Variants in RAD51B observed in about 807,000 individuals in gnomAD.
RAD51B encodes RAD51 paralog B, also known as DNA repair protein RAD51 homolog 2.
In RAD51B, 38 loss-of-function variants were observed where a neutral mutation model predicts 42.2. That is an observed-to-expected ratio of 0.90 (90% CI 0.70 to 1.18). The LOEUF is 1.18. Ranked by LOEUF, RAD51B falls within the 50% of genes most tolerant of loss-of-function variation. The pLI is 0.00. For missense variants in RAD51B, 373 were observed against 400.7 expected, an observed-to-expected ratio of 0.93 and a Z score of 0.59; for synonymous variants, 154 against 145.2, an observed-to-expected ratio of 1.06 and a Z score of -0.43.
chr14:67,939,219 TCC>T (rs2045070921), intron 7 of RAD51B, among the ~76,000 whole-genome samples: 1 of 151,998 alleles, frequency 6.6e-6, no homozygotes, highest in African/African-American at 2.4e-5. Context: ...CCTGCCCCCC[TCC>T]ATGTGGAAAC....
chr14:68,624,739 G>A (rs1444410479), intron 10 of RAD51B, among the ~76,000 whole-genome samples: 2 of 152,154 alleles, frequency 1.3e-5, no homozygotes, highest in Non-Finnish European at 2.9e-5. Flanking sequence ...ACTCCTGCGC[G>A]ATCCTCTCAG....
At chr14:68,087,892 T>C (rs2077013374) in intron 7 of RAD51B, among the ~76,000 whole-genome samples, 1 of 117,982 alleles carries the variant, frequency 8.5e-6, no homozygotes, top group South Asian at 2.3e-4. Flanking sequence ...AATTATATAA[T>C]ATATTATTTA....
intron 9 of RAD51B, among the ~76,000 whole-genome samples, chr14:68,419,176 A>G (rs1428414468): frequency 6.6e-6 from 1 of 152,190 alleles, no homozygotes; most frequent in African/African-American, 2.4e-5. Flanking sequence ...TGTTTTACAG[A>G]TGGCGGTAAG....
At chr14:68,148,838 G>C (rs1268064017) in intron 7 of RAD51B, among the ~76,000 whole-genome samples, 1 of 152,212 alleles carries the variant, frequency 6.6e-6, no homozygotes, top group African/African-American at 2.4e-5. Context: ...TAATGGAAGT[G>C]TTCTGAGCAT....
chr14:68,673,710 A>G lies in RAD51B; in HGVS notation c.*11+22854A>G, dbSNP rs549551932. 9.2e-5 allele frequency among the ~76,000 whole-genome samples: 14 copies of G among 151,998 alleles called. No homozygotes were observed. The East Asian group carries it at 2.3e-3, about 25-fold the overall frequency. ...ATGTGCACACACATACACATACTGTACACACATCTATACATGCACACGCAT... is the reference window on the plus strand; with the variant it reads ...ATGTGCACACACATACACATACTGTGCACACATCTATACATGCACACGCAT... On this transcript the variant is annotated intron_variant, in intron 11 of 11. Transcript: ENST00000488612.
intron 7 of RAD51B, among the ~76,000 whole-genome samples, chr14:68,249,217 A>G (rs1457695875): frequency 6.6e-6 from 1 of 152,230 alleles, no homozygotes; most frequent in Admixed American, 6.5e-5. Context: ...ATGCCACAGG[A>G]CACACTAAGC....
rs1326770837 is a variant in RAD51B at position 68,673,549 on chromosome 14, TAC to T, written c.*11+22699_*11+22700del. ...GCGCACACACATACACATACATATG[TAC>T]ACACATATGTATGCACACACATACA... On this transcript the variant is annotated intron_variant, in intron 11 of 11. Coordinates refer to the RAD51B transcript ENST00000488612. Among the ~76,000 whole-genome samples, 3 of 150,276 alleles carry T rather than the reference TAC, an allele frequency of 2.0e-5. 1 individual carries two copies. The South Asian group carries it at 6.3e-4, about 32-fold the overall frequency.
intron 7 of RAD51B, among the ~76,000 whole-genome samples, chr14:68,045,417 G>A (rs1566602455): frequency 6.6e-6 from 1 of 151,938 alleles, no homozygotes; most frequent in Non-Finnish European, 1.5e-5. Context: ...GAATAAAATT[G>A]TTACCCATTT....
At chr14:68,224,342 T>C (rs1487401255) in intron 7 of RAD51B, among the ~76,000 whole-genome samples, 6 of 152,214 alleles carry the variant, frequency 3.9e-5, no homozygotes, top group Admixed American at 3.9e-4. Flanking sequence ...TTTTATTCTC[T>C]CCCAGTCACT....
intron 10 of RAD51B, among the ~76,000 whole-genome samples, chr14:68,492,293 A>G (rs138515569): frequency 3.8e-4 from 58 of 152,360 alleles, no homozygotes; most frequent in African/African-American, 1.3e-3. Context: ...AAGGTAATAA[A>G]TAATCAATAG....
intron 10 of RAD51B, among the ~76,000 whole-genome samples, chr14:68,529,036 T>A (rs1225657746): frequency 1.3e-5 from 2 of 152,182 alleles, no homozygotes; most frequent in Non-Finnish European, 2.9e-5. Flanking sequence ...TGGGTTATGT[T>A]GAAATGGTGA....
intron 7 of RAD51B, among the ~76,000 whole-genome samples, chr14:68,221,452 A>G (rs1234117510): frequency 1.3e-5 from 2 of 152,232 alleles, no homozygotes; most frequent in African/African-American, 4.8e-5. Flanking sequence ...AGGACACCCT[A>G]TTCAACAAAT....
At chr14:68,216,525 T>C (rs149630037) in intron 7 of RAD51B, among the ~76,000 whole-genome samples, 242 of 152,272 alleles carry the variant, frequency 1.6e-3, no homozygotes, top group African/African-American at 5.6e-3. Context: ...AAATCAAATA[T>C]ATCATTCAGT....
intron 7 of RAD51B, among the ~76,000 whole-genome samples, chr14:67,929,850 A>C (rs1447121096): frequency 1.3e-5 from 2 of 149,402 alleles, no homozygotes; most frequent in African/African-American, 4.9e-5. Flanking sequence ...GGGTCTCAAT[A>C]TGTTTTCTAG....
intron 10 of RAD51B, among the ~76,000 whole-genome samples, chr14:68,642,601 A>G (rs1595043457): frequency 6.6e-6 from 1 of 151,860 alleles, no homozygotes; most frequent in South Asian, 2.1e-4. Context: ...CCTGTTTGCA[A>G]TTTCATTGAT....
At chr14:68,463,894 G>T (rs1250778281) in intron 9 of RAD51B, among the ~76,000 whole-genome samples, 2 of 152,258 alleles carry the variant, frequency 1.3e-5, no homozygotes, top group South Asian at 4.1e-4. Flanking sequence ...CACCTCCCTT[G>T]TTCCACATAC....
At chr14:68,370,861 C>T (rs532301817) in intron 8 of RAD51B, among the ~76,000 whole-genome samples, 2 of 150,342 alleles carry the variant, frequency 1.3e-5, no homozygotes, top group South Asian at 4.2e-4. Flanking sequence ...GGTGAAACCC[C>T]ATCTCTACTA....
intron 9 of RAD51B, among the ~76,000 whole-genome samples, chr14:68,447,233 T>A: frequency 6.6e-6 from 1 of 151,996 alleles, no homozygotes; most frequent in Non-Finnish European, 1.5e-5. Flanking sequence ...AAAATAATAA[T>A]AATAATACAC....
intron 8 of RAD51B, among the ~76,000 whole-genome samples, chr14:68,313,164 T>TATA (rs1221911233): frequency 6.6e-6 from 1 of 152,164 alleles, no homozygotes; most frequent in Non-Finnish European, 1.5e-5. Flanking sequence ...CCTGGTGAAT[T>TATA]ATAATATTCT....
Sources: allele counts gnomAD v4.1 joint callset (sites outside exome capture counted in the v4.1 genomes callset), GRCh38; gene constraint gnomAD v4.1.1; transcripts MANE v1.5; gene names NCBI Gene and HGNC (gene_info 2026-07-23, HGNC 2026-07-21).